Variants in UTP20 observed in about 807,000 individuals in gnomAD.
UTP20 encodes small subunit processome component 20 homolog.
UTP20 carries 164 observed loss-of-function variants against 329.5 expected under a neutral mutation model. That is an observed-to-expected ratio of 0.50 (90% CI 0.44 to 0.57). The LOEUF (loss-of-function observed/expected upper bound fraction) is 0.57, where lower values mean the gene tolerates loss of function less well. Ranked by LOEUF, UTP20 falls within the 20% of genes least tolerant of loss-of-function variation. UTP20 has a pLI of 0.00. For synonymous variants in UTP20, 1,151 were observed against 1,159.3 expected (o/e 0.99, Z 0.14); for missense variants, 3,055 against 3,284.2 (o/e 0.93, Z 1.71).
Position 101,363,635 on chromosome 12 carries a change from C to T in UTP20, c.5850C>T (p.Leu1950=), listed in dbSNP as rs753962344. 3 of 1,613,998 alleles carry T rather than the reference C, an allele frequency of 1.9e-6. No homozygotes were observed. Among genetic ancestry groups the T allele is most frequent in the Non-Finnish European group, 2.5e-6 (3 of 1,180,020 alleles). Residue 1950 remains leucine (L), a synonymous_variant, in exon 45 of 62, where the codon CTC becomes CTT. Coordinates refer to ENST00000261637, the MANE Select transcript of UTP20 (RefSeq NM_014503.3). ...VAEEKEVKQI[L]SKVMEARRSK... is the part of the protein sequence containing the mutation. ...AAGAGAAGGAAGTAAAGCAGATCCTCTCCAAAGTCATGGAAGCACGAAGAA... is the reference window on the plus strand; with the variant it reads ...AAGAGAAGGAAGTAAAGCAGATCCTTTCCAAAGTCATGGAAGCACGAAGAA...
At chr12:101,301,354 G>T (rs552094573) in intron 14 of UTP20, among the ~76,000 whole-genome samples, 3 of 147,708 alleles carry the variant, frequency 2.0e-5, no homozygotes, top group Non-Finnish European at 3.0e-5. Context: ...AGCCCCCCCC[G>T]CCCAACTCTG....
At chr12:101,341,193 G>T (rs960899241) in intron 32 of UTP20, among the ~76,000 whole-genome samples, 1 of 151,950 alleles carries the variant, frequency 6.6e-6, no homozygotes, top group Non-Finnish European at 1.5e-5. Flanking sequence ...GGCCAGGCTG[G>T]CCTGGAACTC....
Position 101,355,134 on chromosome 12 carries a change from G to A in UTP20, c.5394+16G>A, listed in dbSNP as rs759678525. The A allele has an allele frequency of 2.8e-5, 45 of 1,606,106 alleles. No homozygotes were observed. In the African/African-American group the frequency reaches 3.8e-4, roughly 13 times the overall value. On this transcript the variant is annotated intron_variant, in intron 41 of 61. Transcript: ENST00000261637. ...TGCATCTACGGTAATAAATTTATTC[G>A]GGGTCCAGCAGGTCTGTGTGAATTC...
At chr12:101,307,579 G>C (rs1872675163) in intron 17 of UTP20, among the ~76,000 whole-genome samples, 1 of 152,156 alleles carries the variant, frequency 6.6e-6, no homozygotes, top group South Asian at 2.1e-4. Flanking sequence ...GTTTTGCCAT[G>C]TTGGCAAGGC....
chr12:101,346,753 T>C lies in UTP20; in HGVS notation c.4884+165T>C, dbSNP rs551425745. ...ACTGTGTCTGACACATAGTAAATGC[T>C]ATATAAATGGTGGCTATTATTTGTG... On this transcript the variant is annotated intron_variant, in intron 38 of 61. Transcript: ENST00000261637. 2.6e-5 allele frequency among the ~76,000 whole-genome samples: 4 copies of C among 152,326 alleles called. No individual in the cohort carries two copies. The South Asian group carries it at 8.3e-4, about 32-fold the overall frequency.
intron 29 of UTP20, among the ~76,000 whole-genome samples, chr12:101,335,994 G>T (rs2137272607): frequency 6.6e-6 from 1 of 152,188 alleles, no homozygotes; most frequent in Admixed American, 6.5e-5. Flanking sequence ...TTACAATAGA[G>T]ATTCATTTTT....
In UTP20 at chr12:101,386,043, A is replaced by G; in HGVS notation, c.8278A>G (p.Lys2760Glu). ...HKNKSEAKKRKIEFLRPGYKA... is the reference protein window; with the variant it reads ...HKNKSEAKKREIEFLRPGYKA... Reference sequence around the variant, plus strand: ...AAATAAAAGTGAAGCAAAGAAGAGAAAGATAGAGTTCCTGCGTCCAGGATA... The same window carrying G: ...AAATAAAAGTGAAGCAAAGAAGAGAGAGATAGAGTTCCTGCGTCCAGGATA... Residue 2760 changes from lysine to glutamate, a missense_variant, in exon 62 of 62, where the codon AAG (lysine) becomes GAG (glutamate). This residue lies in a region of UTP20 where 337 missense variants were observed against 345.5 expected (regional missense o/e 0.98). Transcript: ENST00000261637. 1 of 1,610,314 alleles carries G rather than the reference A, an allele frequency of 6.2e-7. No homozygotes were observed. Among genetic ancestry groups the G allele is most frequent in the Non-Finnish European group, 8.5e-7 (1 of 1,179,354 alleles).
chr12:101,370,675 T>C (rs1367508075), intron 50 of UTP20, 112 bp downstream of exon 50: 2 of 1,158,470 alleles, frequency 1.7e-6, no homozygotes, highest in Non-Finnish European at 2.4e-6. Flanking sequence ...AATTGAGTAA[T>C]TTGTAAAGAT....
intron 26 of UTP20, among the ~76,000 whole-genome samples, chr12:101,328,946 T>C (rs966654006): frequency 1.3e-5 from 2 of 151,528 alleles, no homozygotes; most frequent in Admixed American, 1.3e-4. Context: ...TGTAAAGAAA[T>C]TGGATGAGAA....
Position 101,285,737 on chromosome 12 carries a change from TC to T in UTP20, c.194-7del, listed in dbSNP as rs1205566951. 1 of 1,612,858 alleles carries T rather than the reference TC, an allele frequency of 6.2e-7. No individual in the cohort carries two copies. Among genetic ancestry groups the T allele is most frequent in the Non-Finnish European group, 8.5e-7 (1 of 1,179,586 alleles). ...TGATAGAAAAGAACATATTTTTTTT[TC>T]CCCCACTCAGGAAAATTTTACAAAG... On this transcript the variant is annotated splice_polypyrimidine_tract_variant and intron_variant, in intron 3 of 61. Coordinates refer to ENST00000261637, the MANE Select transcript of UTP20 (RefSeq NM_014503.3).
chr12:101,382,226 G>A (rs901222317), intron 58 of UTP20, among the ~76,000 whole-genome samples: 7 of 152,026 alleles, frequency 4.6e-5, no homozygotes, highest in Non-Finnish European at 7.4e-5. Flanking sequence ...CCAACATGGC[G>A]AAACCCTGTC....
chr12:101,319,638 C>G lies in UTP20; in HGVS notation c.2829+3C>G. 1 of 1,590,234 alleles carries G rather than the reference C, an allele frequency of 6.3e-7. No individual in the cohort carries two copies. Among genetic ancestry groups the G allele is most frequent in the Non-Finnish European group, 8.5e-7 (1 of 1,171,756 alleles). On this transcript the variant is annotated splice_donor_region_variant and intron_variant, in intron 23 of 61. Coordinates refer to ENST00000261637, the MANE Select transcript of UTP20 (RefSeq NM_014503.3). The stretch of plus-strand genomic sequence containing the variant: ...AACTATATGAGTTATATCTTCAGGT[C>G]AGTAAAATAAACTCTTGGCATTATA...
intron 56 of UTP20, among the ~76,000 whole-genome samples, chr12:101,376,300 T>C (rs1208627637): frequency 1.3e-5 from 2 of 152,236 alleles, no homozygotes; most frequent in Non-Finnish European, 2.9e-5. Flanking sequence ...CATATGCCAG[T>C]ATTTACTAAA....
At chr12:101,371,493 G>T (rs1870286784) in intron 51 of UTP20, among the ~76,000 whole-genome samples, 1 of 145,648 alleles carries the variant, frequency 6.9e-6, no homozygotes, top group Non-Finnish European at 1.5e-5. Context: ...GCAGGACCTT[G>T]TGGTCTTGTT....
At chr12:101,302,419 T>A in intron 14 of UTP20, 29 bp from the exon 15 acceptor site, 1 of 1,319,932 alleles carries the variant, frequency 7.6e-7, no homozygotes, top group Non-Finnish European at 1.1e-6. Flanking sequence ...AAATAAGTAA[T>A]GTGGTTTCTC....
At chr12:101,381,527 C>T (rs927864437) in intron 58 of UTP20, among the ~76,000 whole-genome samples, 1 of 151,958 alleles carries the variant, frequency 6.6e-6, no homozygotes, top group Non-Finnish European at 1.5e-5. Context: ...CAGAGCGAGA[C>T]TCCGTCTCAG....
chr12:101,312,194 C>T lies in UTP20; in HGVS notation c.2470C>T (p.Leu824Phe). Reference protein sequence around the residue: ...RLDHTNFRFLLWRALTKFPER... With the variant: ...RLDHTNFRFLFWRALTKFPER... ...TGACCACACCAACTTCAGATTCCTG[C>T]TCTGGAGAGCTCTGACCAAATTCCC... is the stretch of plus-strand genomic sequence containing the variant. Residue 824 changes from leucine (L) to phenylalanine (F), a missense_variant, in exon 21 of 62, where the codon CTC (leucine) becomes TTC (phenylalanine). Physicochemically the swap from Leu to Phe is conservative, Grantham distance 22. Around this residue, in one of 3 missense-constraint regions of UTP20, gnomAD observed 2,445 missense variants for 2,575.5 expected, o/e 0.95. Transcript: ENST00000261637. The T allele has an allele frequency of 6.2e-7, 1 of 1,614,214 alleles. No homozygotes were observed. The highest frequency in any genetic ancestry group is 8.5e-7 in the Non-Finnish European group (1 of 1,180,040).
chr12:101,308,702 T>G (rs1872701559), intron 18 of UTP20, among the ~76,000 whole-genome samples: 1 of 151,498 alleles, frequency 6.6e-6, no homozygotes, highest in Admixed American at 6.6e-5. Context: ...TTCACTAGAT[T>G]TGTTTGCTGC....
chr12:101,335,058 A>C (rs532229920), intron 29 of UTP20, among the ~76,000 whole-genome samples: 2 of 152,326 alleles, frequency 1.3e-5, no homozygotes, highest in East Asian at 3.9e-4. Context: ...TATAAATATG[A>C]AATGAAATAG....
Sources: allele counts gnomAD v4.1 joint callset (sites outside exome capture counted in the v4.1 genomes callset), GRCh38; gene constraint gnomAD v4.1.1; regional missense constraint gnomAD v4.1.1; transcripts MANE v1.5; gene names NCBI Gene and HGNC (gene_info 2026-07-23, HGNC 2026-07-21).